Variants in AUTS2 observed in about 807,000 individuals in gnomAD.
AUTS2 encodes autism susceptibility gene 2 protein.
In AUTS2, 17 loss-of-function variants were observed where a neutral mutation model predicts 112.4. The observed-to-expected ratio is 0.15, with a 90% CI of 0.10 to 0.23. The LOEUF (loss-of-function observed/expected upper bound fraction) is 0.23. Ranked by LOEUF, AUTS2 falls within the 10% of genes least tolerant of loss-of-function variation. The pLI, the probability that AUTS2 is intolerant of heterozygous loss-of-function variation, is 1.00. For missense variants in AUTS2, 1,510 were observed against 1,701.6 expected, an observed-to-expected ratio of 0.89 and a Z score of 1.98; for synonymous variants, 751 against 702.7, an observed-to-expected ratio of 1.07 and a Z score of -1.09.
intron 6 of AUTS2, among the ~76,000 whole-genome samples, chr7:70,762,086 G>A (rs531149859): frequency 6.6e-6 from 1 of 152,282 alleles, no homozygotes; most frequent in East Asian, 1.9e-4. Context: ...AAAATGGAAA[G>A]TGGGGAGGAA....
At chr7:70,600,050 A>T (rs773934137) in intron 5 of AUTS2, among the ~76,000 whole-genome samples, 1 of 152,198 alleles carries the variant, frequency 6.6e-6, no homozygotes, top group Non-Finnish European at 1.5e-5. Context: ...CAGCTACTGA[A>T]TCAGAAACTA....
chr7:69,789,993 A>G (rs528306605), intron 1 of AUTS2, among the ~76,000 whole-genome samples: 1 of 152,242 alleles, frequency 6.6e-6, no homozygotes, highest in South Asian at 2.1e-4. Flanking sequence ...GAAACATCAG[A>G]GAATTGGCTG....
At chr7:70,300,590 A>G (rs1254212001) in intron 4 of AUTS2, among the ~76,000 whole-genome samples, 1 of 152,204 alleles carries the variant, frequency 6.6e-6, no homozygotes, top group Non-Finnish European at 1.5e-5. Flanking sequence ...ACATGTTTGT[A>G]GAACACATCT....
chr7:69,870,590 C>G (rs1405171243), intron 1 of AUTS2, among the ~76,000 whole-genome samples: 1 of 150,620 alleles, frequency 6.6e-6, no homozygotes, highest in Non-Finnish European at 1.5e-5. Context: ...GAAAAAAGTA[C>G]AACCCTAGAT....
At chr7:70,761,078 A>G (rs1000933268) in intron 6 of AUTS2, among the ~76,000 whole-genome samples, 7 of 152,240 alleles carry the variant, frequency 4.6e-5, no homozygotes, top group Admixed American at 6.5e-5. Flanking sequence ...AACATTGAAA[A>G]TAATGAATTG....
In AUTS2 at chr7:69,623,336, C is replaced by T. The variant is rs76534202; in HGVS notation, c.309+23374C>T. Among the ~76,000 whole-genome samples the T allele has an allele frequency of 8.7e-4, 131 of 149,938 alleles. 4 individuals carry two copies. The East Asian group carries it at 0.022, about 26-fold the overall frequency. Reference sequence around the variant, plus strand: ...CTCCTGGGCTCAAGCAGTTCTCCTGCCTTAGCCTCCCAAAAAGCTGGGACT... The same window carrying T: ...CTCCTGGGCTCAAGCAGTTCTCCTGTCTTAGCCTCCCAAAAAGCTGGGACT... On this transcript the variant is annotated intron_variant, in intron 1 of 18. Transcript: ENST00000342771.
intron 2 of AUTS2, among the ~76,000 whole-genome samples, chr7:70,029,722 C>G (rs546650610): frequency 1.3e-5 from 2 of 152,250 alleles, no homozygotes; most frequent in African/African-American, 4.8e-5. Context: ...AGTTGTGAAT[C>G]TGAATCAGAG....
chr7:70,572,487 G>A (rs1021331276), intron 5 of AUTS2, among the ~76,000 whole-genome samples: 1 of 144,390 alleles, frequency 6.9e-6, no homozygotes, highest in African/African-American at 2.5e-5. Flanking sequence ...CAGGAAAAGG[G>A]GGGGCGAGAG....
chr7:70,464,401 C>T (rs1052032752), intron 5 of AUTS2, among the ~76,000 whole-genome samples: 3 of 152,206 alleles, frequency 2.0e-5, no homozygotes, highest in Non-Finnish European at 4.4e-5. Flanking sequence ...TTGTTGAGCA[C>T]TTGCTATATG....
At chr7:69,987,615 G>A (rs998913963) in intron 2 of AUTS2, among the ~76,000 whole-genome samples, 6 of 152,108 alleles carry the variant, frequency 3.9e-5, no homozygotes, top group Non-Finnish European at 7.4e-5. Context: ...ACAGGTGTGC[G>A]CCACTATGCC....
chr7:70,713,637 G>A (rs1810184060), intron 6 of AUTS2, among the ~76,000 whole-genome samples: 1 of 151,902 alleles, frequency 6.6e-6, no homozygotes, highest in Non-Finnish European at 1.5e-5. Context: ...GCTCACGCCT[G>A]TAATCCCAGC....
At chr7:70,395,050 C>A (rs1278996351) in intron 4 of AUTS2, among the ~76,000 whole-genome samples, 1 of 151,760 alleles carries the variant, frequency 6.6e-6, no homozygotes, top group Non-Finnish European at 1.5e-5. Flanking sequence ...CTCATTTTTT[C>A]TCTGTAAAAT....
At chr7:70,640,415 C>A (rs7780454) in intron 5 of AUTS2, among the ~76,000 whole-genome samples, 3,584 of 56,364 alleles carry the variant, frequency 0.064, 61 homozygotes, top group Non-Finnish European at 0.083. Context: ...AATAAACTCA[C>A]AGGGGGAAAA....
At chr7:70,106,674 C>T (rs533658799) in intron 2 of AUTS2, among the ~76,000 whole-genome samples, 1 of 152,066 alleles carries the variant, frequency 6.6e-6, no homozygotes, top group Admixed American at 6.6e-5. Context: ...GGGGTGTGAT[C>T]GTACCACTGC....
At chr7:69,668,762 G>A (rs935134883) in intron 1 of AUTS2, among the ~76,000 whole-genome samples, 1 of 152,178 alleles carries the variant, frequency 6.6e-6, no homozygotes, top group East Asian at 1.9e-4. Flanking sequence ...GAGGTAGGAG[G>A]TATGATTGGA....
intron 5 of AUTS2, among the ~76,000 whole-genome samples, chr7:70,648,200 T>C (rs935971736): frequency 2.0e-5 from 3 of 152,194 alleles, no homozygotes; most frequent in Non-Finnish European, 2.9e-5. Flanking sequence ...CCAGGATGAA[T>C]GTGAGCTGCT....
At chr7:70,274,738 A>G (rs1411822936) in intron 4 of AUTS2, among the ~76,000 whole-genome samples, 2 of 152,204 alleles carry the variant, frequency 1.3e-5, no homozygotes, top group Non-Finnish European at 2.9e-5. Flanking sequence ...CTCTGATCTA[A>G]TCCATCCTCC....
At chr7:69,644,467 A>G in intron 1 of AUTS2, among the ~76,000 whole-genome samples, 1 of 151,850 alleles carries the variant, frequency 6.6e-6, no homozygotes, top group Non-Finnish European at 1.5e-5. Flanking sequence ...TTATGTAGTG[A>G]ATTCTCAATT....
At chr7:69,626,344 C>A (rs1311124846) in intron 1 of AUTS2, among the ~76,000 whole-genome samples, 1 of 151,574 alleles carries the variant, frequency 6.6e-6, no homozygotes, top group Non-Finnish European at 1.5e-5. Flanking sequence ...TTTTTTTTTG[C>A]TATCTTTTAA....
Sources: gnomAD v4.1 joint callset for allele counts (sites outside exome capture counted in the v4.1 genomes callset) on GRCh38, gnomAD v4.1.1 for gene constraint, MANE v1.5 for transcripts, NCBI Gene and HGNC (gene_info 2026-07-23, HGNC 2026-07-21) for gene names.